ANK2: variants seen among roughly 807,000 people sequenced by gnomAD.
ANK2 encodes ankyrin-2.
In ANK2, 83 loss-of-function variants were observed where a neutral mutation model predicts 360.5. The ratio of observed to expected loss-of-function variants is 0.23; its 90% CI spans 0.19 to 0.28. ANK2 has a LOEUF of 0.28. ANK2 is among the 10% of genes least tolerant of loss of function. ANK2 has a pLI of 1.00. For missense variants in ANK2, 4,201 were observed against 4,795.7 expected (o/e 0.88, Z 3.66); for synonymous variants, 1,740 against 1,759.5 (o/e 0.99, Z 0.28).
rs369682544 is a variant in ANK2, at chr4:112,973,356, C to T, written c.21+68842C>T. Among the ~76,000 whole-genome samples the T allele has an allele frequency of 9.9e-5, 15 of 152,176 alleles. No homozygotes were observed. The South Asian group carries it at 1.2e-3, about 13-fold the overall frequency. On this transcript the variant is annotated intron_variant, in intron 2 of 30. Coordinates refer to the ANK2 transcript ENST00000503271. ...CATTTTTATCACTCTTTATAGTTGG[C>T]AAATTAAGATATACTAAGATATAAA...
chr4:113,187,053 ACC>A (rs1398273407), intron 2 of ANK2, among the ~76,000 whole-genome samples: 3 of 150,298 alleles, frequency 2.0e-5, no homozygotes, highest in Admixed American at 1.3e-4. Context: ...CCCATTCCAC[ACC>A]CCACCCCACC....
At chr4:112,885,145 T>A (rs975188021) in intron 1 of ANK2, among the ~76,000 whole-genome samples, 4 of 152,182 alleles carry the variant, frequency 2.6e-5, no homozygotes, top group African/African-American at 7.2e-5. Context: ...CTGTCTTCAC[T>A]TAATCTTTCC....
At chr4:112,975,524 G>T (rs1359515300) in intron 2 of ANK2, among the ~76,000 whole-genome samples, 11 of 152,004 alleles carry the variant, frequency 7.2e-5, no homozygotes, top group Admixed American at 7.2e-4. Flanking sequence ...CACAAAAATG[G>T]GTTTAATTAA....
At chr4:112,823,499 C>T (rs187114590) in intron 1 of ANK2, among the ~76,000 whole-genome samples, 19 of 151,606 alleles carry the variant, frequency 1.3e-4, no homozygotes, top group Admixed American at 4.6e-4. Flanking sequence ...TGTTAATGGT[C>T]CTAGTATGAA....
At chr4:112,753,002 C>T in the ANK2 span, among the ~76,000 whole-genome samples, 2 of 152,252 alleles carry the variant, frequency 1.3e-5, no homozygotes, top group Middle Eastern at 3.4e-3. Flanking sequence ...GCTATGCTGT[C>T]TCTATGACCA....
At chr4:113,365,382 A>T (rs989548813) in intron 41 of ANK2, among the ~76,000 whole-genome samples, 200 bp downstream of exon 41, 9 of 151,684 alleles carry the variant, frequency 5.9e-5, no homozygotes, top group Non-Finnish European at 1.5e-5. Context: ...CCTCCGCTTC[A>T]TGCTCATTCT....
At chr4:113,295,097 C>A (rs979996192) in intron 22 of ANK2, among the ~76,000 whole-genome samples, 3 of 152,164 alleles carry the variant, frequency 2.0e-5, no homozygotes, top group Non-Finnish European at 4.4e-5. Context: ...CACTAGATGG[C>A]AAGCTTGTAT....
At chr4:113,025,475 C>T (rs188110312) in intron 2 of ANK2, among the ~76,000 whole-genome samples, 4 of 152,266 alleles carry the variant, frequency 2.6e-5, no homozygotes, top group Admixed American at 6.5e-5. Flanking sequence ...AACAAATGTA[C>T]GTTTCTCTTT....
In ANK2 at chr4:112,947,317, G is replaced by A. The variant is rs530091282; in HGVS notation, c.21+42803G>A. Among the ~76,000 whole-genome samples the A allele has an allele frequency of 2.5e-4, 38 of 152,144 alleles. No individual in the cohort carries two copies. In the South Asian group the frequency reaches 7.5e-3, roughly 30 times the overall value. On this transcript the variant is annotated intron_variant, in intron 2 of 30. Transcript: ENST00000503271. ...CTTTGGGATCCTGCTATCACCTAAGGTGCTTACAATTTGTTCTGAGTTATG... is the reference window on the plus strand; with the variant it reads ...CTTTGGGATCCTGCTATCACCTAAGATGCTTACAATTTGTTCTGAGTTATG...
chr4:113,069,658 A>C (rs1433343800), intron 1 of ANK2, among the ~76,000 whole-genome samples: 2 of 152,200 alleles, frequency 1.3e-5, no homozygotes, highest in Non-Finnish European at 1.5e-5. Flanking sequence ...TTGATACTAA[A>C]CTTTTCCACA....
At chr4:112,830,143 C>G (rs1468754660) in intron 1 of ANK2, among the ~76,000 whole-genome samples, 1 of 152,138 alleles carries the variant, frequency 6.6e-6, no homozygotes, top group Non-Finnish European at 1.5e-5. Context: ...AGCGTCTCAT[C>G]ACTGAGTGTA....
chr4:112,915,141 A>G (rs1186004682), intron 2 of ANK2, among the ~76,000 whole-genome samples: 1 of 152,182 alleles, frequency 6.6e-6, no homozygotes, highest in Non-Finnish European at 1.5e-5. Flanking sequence ...AGTTACAGAA[A>G]TTAGATTTTC....
At chr4:112,760,050 C>CCCAGGCT in the ANK2 span, among the ~76,000 whole-genome samples, 2 of 152,148 alleles carry the variant, frequency 1.3e-5, no homozygotes, top group Non-Finnish European at 2.9e-5. Flanking sequence ...TACCCCCTAC[C>CCCAGGCT]CCAGGCTCCT....
the ANK2 span, among the ~76,000 whole-genome samples, chr4:112,758,646 C>G: frequency 6.6e-6 from 1 of 152,136 alleles, no homozygotes; most frequent in Admixed American, 6.6e-5. Context: ...AACTTCTGAC[C>G]TCACGTGATC....
chr4:112,747,518 CT>C, the ANK2 span, among the ~76,000 whole-genome samples: 11 of 152,042 alleles, frequency 7.2e-5, no homozygotes, highest in Non-Finnish European at 1.6e-4. Flanking sequence ...TGGAGTTCTC[CT>C]AGGAACTCTT....
Position 113,292,400 on chromosome 4 carries a change from C to T in ANK2, c.2278-16C>T. On this transcript the variant is annotated splice_polypyrimidine_tract_variant and intron_variant, in intron 20 of 45. Coordinates refer to ENST00000357077, the MANE Select transcript of ANK2 (RefSeq NM_001148.6). The stretch of plus-strand genomic sequence containing the variant: ...TGCCAATCGGGTGCTGGGCCCGCCA[C>T]CACTGTCCTCCACAGAACGGCTACA... The T allele has an allele frequency of 1.2e-6, 2 of 1,604,394 alleles. No homozygotes were observed. Among genetic ancestry groups the T allele is most frequent in the African/African-American group, 1.3e-5 (1 of 74,780 alleles).
chr4:113,072,742 A>ATTTTTTTT (rs34098456), intron 1 of ANK2, among the ~76,000 whole-genome samples: 64 of 74,188 alleles, frequency 8.6e-4, no homozygotes, highest in African/African-American at 2.1e-3. Context: ...ACTTGGCATA[A>ATTTTTTTT]TTTTTTTTTT....
intron 27 of ANK2, 53 bp from the exon 28 acceptor site, chr4:113,331,919 T>C: frequency 3.3e-6 from 5 of 1,510,004 alleles, no homozygotes; most frequent in Non-Finnish European, 4.6e-6. Context: ...TGGAAGACAA[T>C]ACCTGAAGCT....
At chr4:113,317,507 G>T in intron 24 of ANK2, 200 bp from the exon 25 acceptor site, 1 of 620,070 alleles carries the variant, frequency 1.6e-6, no homozygotes, top group Non-Finnish European at 3.0e-6. Flanking sequence ...TCTTGCCATT[G>T]AGCGGTAGGA....
Sources: allele counts gnomAD v4.1 joint callset (sites outside exome capture counted in the v4.1 genomes callset), GRCh38; gene constraint gnomAD v4.1.1; transcripts MANE v1.5; gene names NCBI Gene and HGNC (gene_info 2026-07-23, HGNC 2026-07-21).